ST18: variants seen among roughly 807,000 people sequenced by gnomAD.
ST18 encodes the protein ST18 C2H2C-type zinc finger transcription factor.
ST18 carries 50 observed loss-of-function variants against 110.0 expected under a neutral mutation model. The ratio of observed to expected loss-of-function variants is 0.45; its 90% CI spans 0.36 to 0.58. The LOEUF (loss-of-function observed/expected upper bound fraction) is 0.58. ST18 is among the 20% of genes least tolerant of loss of function. The pLI is 0.00. For synonymous variants in ST18, 461 were observed against 452.4 expected, an observed-to-expected ratio of 1.02 and a Z score of -0.24; for missense variants, 1,306 against 1,280.1, an observed-to-expected ratio of 1.02 and a Z score of -0.31.
At position 52,388,827 on chromosome 8, in the gene ST18, AG is replaced by A. The variant is rs1272251940; in HGVS notation, c.-465+20500del. Among the ~76,000 whole-genome samples, 254 of 54,428 alleles carry A rather than the reference AG, an allele frequency of 4.7e-3. 1 individual carries two copies. Among genetic ancestry groups the A allele is most frequent in the African/African-American group, 0.018 (233 of 13,250 alleles). 35.7% of individuals were successfully genotyped at this position (54,428 alleles called of 152,430 possible). A position where few individuals can be genotyped will look rare whatever the true frequency, so the allele number is the denominator to read the frequency against. On this transcript the variant is annotated intron_variant, in intron 2 of 25. Transcript: ENST00000689386. ...CCGGGGACTGTTGTGGGGTGGGGGG[AG>A]GGGGGAGGGATAGCTTTAGGAGATA...
intron 8 of ST18, among the ~76,000 whole-genome samples, chr8:52,180,864 A>G (rs987194301): frequency 6.6e-6 from 1 of 152,228 alleles, no homozygotes; most frequent in African/African-American, 2.4e-5. Flanking sequence ...CAGTCATCAA[A>G]CACAAAAAAA....
At chr8:52,273,932 T>C (rs770088990) in intron 2 of ST18, among the ~76,000 whole-genome samples, 6 of 152,250 alleles carry the variant, frequency 3.9e-5, no homozygotes, top group Non-Finnish European at 7.3e-5. Flanking sequence ...ATATTTCTCA[T>C]ACATTTTATT....
chr8:52,250,147 C>T (rs1351766393), intron 2 of ST18, among the ~76,000 whole-genome samples: 1 of 151,828 alleles, frequency 6.6e-6, no homozygotes, highest in African/African-American at 2.4e-5. Context: ...CCAGCTTGTC[C>T]CTGGATAAAA....
intron 2 of ST18, among the ~76,000 whole-genome samples, chr8:52,385,177 T>C (rs987882854): frequency 6.6e-6 from 1 of 152,176 alleles, no homozygotes; most frequent in African/African-American, 2.4e-5. Flanking sequence ...AATGTAAATG[T>C]ATGTTGAAGC....
intron 11 of ST18, 38 bp from the exon 12 acceptor site, chr8:52,165,263 A>G: frequency 1.9e-6 from 3 of 1,603,184 alleles, no homozygotes; most frequent in Non-Finnish European, 2.6e-6. Flanking sequence ...AGAATACTTT[A>G]CCATAAATAC....
intron 25 of ST18, 58 bp downstream of exon 25, chr8:52,116,217 G>C: frequency 6.3e-7 from 1 of 1,576,006 alleles, no homozygotes; most frequent in Non-Finnish European, 8.6e-7. Flanking sequence ...GTGGGTAGAT[G>C]CATGATGACA....
intron 2 of ST18, among the ~76,000 whole-genome samples, chr8:52,321,456 T>C (rs1431146169): frequency 1.3e-5 from 2 of 152,242 alleles, no homozygotes; most frequent in African/African-American, 4.8e-5. Flanking sequence ...TCAATTTTAA[T>C]CAATCACTAT....
chr8:52,309,820 G>A (rs559365116), intron 2 of ST18, among the ~76,000 whole-genome samples: 1 of 151,980 alleles, frequency 6.6e-6, no homozygotes, highest in South Asian at 2.1e-4. Flanking sequence ...AGGGCATTAT[G>A]GACTCCAGAG....
rs373854421 is a variant in ST18 at position 52,331,922 on chromosome 8, T to A, written c.-465+77406A>T. Among the ~76,000 whole-genome samples the A allele has an allele frequency of 2.0e-5, 3 of 152,334 alleles. No homozygotes were observed. In the East Asian group the frequency reaches 5.8e-4, roughly 29 times the overall value. ...AGAATGAAGGACTCCTCTTCTCACA[T>A]TCTGCCATCATCACAGAATTATTTA... On this transcript the variant is annotated intron_variant, in intron 2 of 25. Transcript: ENST00000689386.
At chr8:52,221,369 T>A (rs2086679563) in intron 4 of ST18, among the ~76,000 whole-genome samples, 1 of 152,178 alleles carries the variant, frequency 6.6e-6, no homozygotes, top group African/African-American at 2.4e-5. Flanking sequence ...TTGCTAATGT[T>A]TTAAGTTGTC....
intron 2 of ST18, among the ~76,000 whole-genome samples, chr8:52,306,414 G>C (rs974788819): frequency 6.6e-6 from 1 of 152,136 alleles, no homozygotes; most frequent in Admixed American, 6.5e-5. Flanking sequence ...GAACAGAACA[G>C]GGCTGGCATA....
intron 5 of ST18, among the ~76,000 whole-genome samples, chr8:52,218,293 T>C (rs1207810992): frequency 2.0e-5 from 3 of 152,072 alleles, no homozygotes; most frequent in Non-Finnish European, 2.9e-5. Flanking sequence ...GTGACCACAA[T>C]GTTTTGAGGG....
At chr8:52,118,985 A>T (rs2130680406) in intron 23 of ST18, among the ~76,000 whole-genome samples, 1 of 152,328 alleles carries the variant, frequency 6.6e-6, no homozygotes, top group East Asian at 1.9e-4. Flanking sequence ...GATGGGAGGC[A>T]GAGCTGCGGG....
chr8:52,160,827 T>C (rs1304881125), intron 14 of ST18, among the ~76,000 whole-genome samples: 1 of 152,222 alleles, frequency 6.6e-6, no homozygotes, highest in Non-Finnish European at 1.5e-5. Context: ...CATGCTTCAG[T>C]TTGGGAGTAA....
At chr8:52,271,139 C>T (rs575351485) in intron 2 of ST18, among the ~76,000 whole-genome samples, 56 of 152,218 alleles carry the variant, frequency 3.7e-4, no homozygotes, top group Non-Finnish European at 6.5e-4. Context: ...ACCTTGTGAT[C>T]CGCCCACCTC....
Position 52,166,858 on chromosome 8 carries a change from G to C in ST18, c.1198C>G (p.Leu400Val). The change falls in exon 11 of 26, where the codon CTG (leucine) becomes GTG (valine). Residue 400 changes from leucine (L) to valine (V), a missense_variant. Leu to Val is a conservative substitution (Grantham distance 32). Coordinates refer to ENST00000689386, the MANE Select transcript of ST18 (RefSeq NM_001352837.2). ...SGCPHKVRVP[L>V]EILAMHENVL... Reference sequence around the variant, plus strand: ...AGGGACAAGTGGTACTCACTTTCCAGGGGAACCCGCACTTTGTGGGGGCAC... The same window carrying C: ...AGGGACAAGTGGTACTCACTTTCCACGGGAACCCGCACTTTGTGGGGGCAC... 1 of 1,582,966 alleles carries C rather than the reference G, an allele frequency of 6.3e-7. No homozygotes were observed. Among genetic ancestry groups the C allele is most frequent in the Non-Finnish European group, 8.6e-7 (1 of 1,157,608 alleles).
chr8:52,234,728 GGTGTGTGTGTGTGTGTGT>G (rs3054614), intron 2 of ST18, among the ~76,000 whole-genome samples: 3 of 145,708 alleles, frequency 2.1e-5, no homozygotes, highest in East Asian at 2.0e-4. Flanking sequence ...AAGAAACTAT[GGTGTGTGTGTGTGTGTGT>G]GTGTGTGTGT....
intron 9 of ST18, among the ~76,000 whole-genome samples, chr8:52,177,421 T>C (rs1203510850): frequency 6.6e-6 from 1 of 152,168 alleles, no homozygotes; most frequent in Non-Finnish European, 1.5e-5. Context: ...GCAGATGATA[T>C]AATTGGGCAC....
intron 16 of ST18, among the ~76,000 whole-genome samples, chr8:52,143,754 C>A (rs2056201050): frequency 6.6e-6 from 1 of 151,990 alleles, no homozygotes; most frequent in South Asian, 2.1e-4. Flanking sequence ...GCAGTAAAAC[C>A]AAAGAAATAT....
Sources: gnomAD v4.1 joint callset for allele counts (sites outside exome capture counted in the v4.1 genomes callset) on GRCh38, gnomAD v4.1.1 for gene constraint, MANE v1.5 for transcripts, NCBI Gene and HGNC (gene_info 2026-07-23, HGNC 2026-07-21) for gene names.